The following FAM153A variants were observed in gnomAD, a reference collection of about 807,000 sequenced individuals.
FAM153A encodes the protein protein FAM153A.
A neutral mutation model predicts 48.1 loss-of-function variants in FAM153A; 12 were observed. That is an observed-to-expected ratio of 0.25 (90% CI 0.16 to 0.40). The LOEUF is 0.40. Ranked by LOEUF, FAM153A falls within the 10% of genes least tolerant of loss-of-function variation. The probability of loss-of-function intolerance (pLI) is 1.00; values close to 1 mark genes in which losing one functional copy is unlikely to be tolerated. For missense variants in FAM153A, 111 were observed against 345.8 expected (o/e 0.32, Z 5.38); for synonymous variants, 36 against 118.2 (o/e 0.30, Z 4.51).
At chr5:177,731,112 GTTTTTTTTT>G (rs1199822658) in intron 16 of FAM153A, among the ~76,000 whole-genome samples, 1 of 53,076 alleles carries the variant, frequency 1.9e-5, no homozygotes, top group African/African-American at 8.3e-5. Flanking sequence ...AGTTTGTTGG[GTTTTTTTTT>G]TTTTTTTTTT....
intron 19 of FAM153A, 54 bp from the exon 22 acceptor site, chr5:177,724,416 C>G: frequency 6.2e-7 from 1 of 1,609,380 alleles, no homozygotes; most frequent in Non-Finnish European, 8.5e-7. Context: ...CAGGAAAAGA[C>G]CTATCTGTGA....
chr5:177,715,295 A>G (rs1288665493), intron 25 of FAM153A, among the ~76,000 whole-genome samples: 2 of 134,064 alleles, frequency 1.5e-5, no homozygotes, highest in Non-Finnish European at 3.4e-5. Flanking sequence ...TCTATTTCTT[A>G]TACACAATAA....
At chr5:177,757,702 T>C (rs1308140076), upstream of FAM153A, among the ~76,000 whole-genome samples, 19 of 151,298 alleles carry the variant, frequency 1.3e-4, no homozygotes, top group Admixed American at 1.2e-3. Context: ...TAATCCAGCA[T>C]ATAAACAGAA....
At chr5:177,760,183 A>T in intron 1 of FAM153A, among the ~76,000 whole-genome samples, 1 of 150,030 alleles carries the variant, frequency 6.7e-6, no homozygotes, top group South Asian at 2.1e-4. Context: ...AAACTCAATT[A>T]AAAAATACCA....
At chr5:177,710,382 A>G (rs981438287), downstream of FAM153A, among the ~76,000 whole-genome samples, 11 of 151,678 alleles carry the variant, frequency 7.3e-5, no homozygotes, top group East Asian at 1.9e-4. Context: ...AAAGTGCTGG[A>G]ATTACAGGAA....
Position 177,741,436 on chromosome 5 carries a change from G to A in FAM153A, c.365-104C>T, listed in dbSNP as rs1258290379. ...GGGGCTGGCACATGTAGACAAGGGGGGTTAACTACAAAAAAGGACCTCCTG... is the reference window on the plus strand; with the variant it reads ...GGGGCTGGCACATGTAGACAAGGGGAGTTAACTACAAAAAAGGACCTCCTG... On this transcript the variant is annotated intron_variant, in intron 6 of 20. Coordinates refer to ENST00000614127, the Ensembl canonical transcript of FAM153A. 5 of 875,714 alleles carry A rather than the reference G, an allele frequency of 5.7e-6. 1 individual carries two copies. The highest frequency in any genetic ancestry group is 7.7e-6 in the Non-Finnish European group (5 of 647,596). 54.2% of individuals were successfully genotyped at this position (875,714 alleles called of 1,614,324 possible). A position where few individuals can be genotyped will look rare whatever the true frequency, so the allele number is the denominator to read the frequency against.
exon 27 of FAM153A, chr5:177,712,890 AGT>A (rs1455835334): frequency 5.9e-5 from 9 of 151,866 alleles, no homozygotes; most frequent in African/African-American, 2.2e-4. Context: ...GAGCCTCAAC[AGT>A]GTGTTATGAC....
intron 18 of FAM153A, among the ~76,000 whole-genome samples, chr5:177,725,831 A>G (rs1219264420): frequency 4.1e-4 from 62 of 152,024 alleles, no homozygotes; most frequent in Middle Eastern, 3.4e-3. Context: ...CTCCACACAT[A>G]TCCCTTAGGA....
chr5:177,753,332 C>A, upstream of FAM153A: 2 of 747,168 alleles, frequency 2.7e-6, no homozygotes. Context: ...GTAGAATTTT[C>A]GCAAGCATCC....
chr5:177,776,477 C>A (rs1769323633), intron 1 of FAM153A, among the ~76,000 whole-genome samples: 1 of 46,542 alleles, frequency 2.1e-5, no homozygotes, highest in African/African-American at 9.5e-5. Flanking sequence ...AACAGACAAA[C>A]AGAGAGCCAA....
upstream of FAM153A, among the ~76,000 whole-genome samples, chr5:177,755,000 G>A (rs879112365): frequency 2.6e-5 from 4 of 152,002 alleles, 1 homozygote; most frequent in African/African-American, 4.8e-5. Flanking sequence ...TGACTTTGAC[G>A]AGTAGAGAAG....
intron 1 of FAM153A, among the ~76,000 whole-genome samples, chr5:177,759,501 A>G (rs1408029969): frequency 6.6e-6 from 1 of 151,886 alleles, no homozygotes; most frequent in East Asian, 1.9e-4. Context: ...ATGCTGCTAT[A>G]AAGACATGCA....
downstream of FAM153A, among the ~76,000 whole-genome samples, chr5:177,708,666 T>C (rs1209931661): frequency 6.6e-6 from 1 of 152,066 alleles, no homozygotes; most frequent in African/African-American, 2.4e-5. Context: ...TTTCATTTTA[T>C]GTATGTTTAT....
chr5:177,705,664 T>A, downstream of FAM153A, among the ~76,000 whole-genome samples: 1 of 131,424 alleles, frequency 7.6e-6, no homozygotes, highest in African/African-American at 2.9e-5. Flanking sequence ...TTTTCTTTTT[T>A]TTTTTTTTTT....
chr5:177,771,689 T>C lies in FAM153A; in HGVS notation c.-57+8760A>G. On this transcript the variant is annotated intron_variant, in intron 1 of 8. Transcript: ENST00000393518. ...GACTGGTCACCGTGTCTAAAGTGTT[T>C]ATAGAAACAATGCGGTTACTTCTGA... is the stretch of plus-strand genomic sequence containing the variant. Among the ~76,000 whole-genome samples, 2 of 96,928 alleles carry C rather than the reference T, an allele frequency of 2.1e-5. 1 individual carries two copies. Among genetic ancestry groups the C allele is most frequent in the Non-Finnish European group, 4.3e-5 (2 of 46,872 alleles). 63.6% of individuals were successfully genotyped at this position (96,928 alleles called of 152,430 possible). A position where few individuals can be genotyped will look rare whatever the true frequency, so the allele number is the denominator to read the frequency against.
chr5:177,707,558 AAT>A (rs1462824987), downstream of FAM153A, among the ~76,000 whole-genome samples: 3 of 152,086 alleles, frequency 2.0e-5, no homozygotes, highest in South Asian at 2.1e-4. Context: ...AATTGATTTG[AAT>A]ATGTTTTCTT....
chr5:177,725,558 A>G (rs1448824399), intron 18 of FAM153A, among the ~76,000 whole-genome samples: 1 of 151,766 alleles, frequency 6.6e-6, no homozygotes, highest in Non-Finnish European at 1.5e-5. Flanking sequence ...TTGCCAGCAC[A>G]GAAATGAGGG....
chr5:177,718,925 A>G (rs1400135941), downstream of FAM153A, among the ~76,000 whole-genome samples: 2 of 151,492 alleles, frequency 1.3e-5, no homozygotes, highest in Non-Finnish European at 2.9e-5. Context: ...TCTATTATCC[A>G]GACTGAATGC....
chr5:177,778,406 G>GA lies in FAM153A; in HGVS notation c.-57+2042dup, dbSNP rs371661583. 1.4e-3 allele frequency among the ~76,000 whole-genome samples: 111 copies of GA among 78,062 alleles called. 28 individuals carry two copies. The highest frequency in any genetic ancestry group is 2.9e-3 in the Admixed American group (21 of 7,296). 51.2% of individuals were successfully genotyped at this position (78,062 alleles called of 152,430 possible). A position where few individuals can be genotyped will look rare whatever the true frequency, so the allele number is the denominator to read the frequency against. ...ATGTTCTACAATATGAATGTTTCTA[G>GA]AAAAAAAAAAAAATGAAAAGGTGGT... On this transcript the variant is annotated intron_variant, in intron 1 of 8. Coordinates refer to the FAM153A transcript ENST00000393518.
Sources: allele counts gnomAD v4.1 joint callset (sites outside exome capture counted in the v4.1 genomes callset), GRCh38; gene constraint gnomAD v4.1.1; transcripts MANE v1.5; gene names NCBI Gene and HGNC (gene_info 2026-07-23, HGNC 2026-07-21).